STX19: variants seen among roughly 807,000 people sequenced by gnomAD.
STX19 encodes the protein syntaxin 19, also known as syntaxin-19.
A neutral mutation model predicts 24.3 loss-of-function variants in STX19; 26 were observed. The ratio of observed to expected loss-of-function variants is 1.07; its 90% CI spans 0.78 to 1.48. STX19 has a LOEUF of 1.48. STX19 is among the 40% of genes most tolerant of loss of function. The pLI is 0.00. For synonymous variants in STX19, 116 were observed against 106.9 expected (o/e 1.09, Z -0.52); for missense variants, 367 against 331.9 (o/e 1.11, Z -0.82).
At chr3:94,019,595 A>G (rs1575991298) in intron 1 of STX19, among the ~76,000 whole-genome samples, 1 of 135,916 alleles carries the variant, frequency 7.4e-6, no homozygotes, top group Non-Finnish European at 1.6e-5. Context: ...CCCCCACCAC[A>G]AAACCTCTGG....
chr3:94,023,550 A>G (rs1363779895), intron 1 of STX19, among the ~76,000 whole-genome samples: 11 of 151,754 alleles, frequency 7.2e-5, no homozygotes, highest in Admixed American at 7.2e-4. Flanking sequence ...TATTATTTTC[A>G]TGGCCTTTCA....
In STX19 at chr3:94,014,872, A is replaced by G. The variant is rs1220956026; in HGVS notation, c.398T>C (p.Leu133Pro). 5.0e-6 allele frequency: 8 copies of G among 1,614,050 alleles called. No individual in the cohort carries two copies. The East Asian group carries it at 1.8e-4, about 36-fold the overall frequency. ...GAACATTGCAGCATGCTGAGATTTAAGTATCCTTGTGACCACTGAAGATGG... is the reference window on the plus strand; with the variant it reads ...GAACATTGCAGCATGCTGAGATTTAGGTATCCTTGTGACCACTGAAGATGG... ...NGPSSVVTRI[L>P]KSQHAAMFRH... The change falls in exon 2 of 2, where the codon CTT becomes CCT. Residue 133 changes from leucine (L) to proline (P), a missense_variant. Transcript: ENST00000315099.
At chr3:94,023,387 G>T (rs2076489753) in intron 1 of STX19, among the ~76,000 whole-genome samples, 1 of 151,428 alleles carries the variant, frequency 6.6e-6, no homozygotes, top group South Asian at 2.1e-4. Flanking sequence ...CTGGTGTTCT[G>T]AAATTTCACA....
Position 94,028,567 on chromosome 3 carries a change from G to A in STX19, c.-214C>T, listed in dbSNP as rs558099821. On this transcript the variant is annotated 5_prime_UTR_variant, in exon 1 of 2. In the 5' UTR this introduces an upstream ATG that the reference lacks. Coordinates refer to ENST00000315099, the MANE Select transcript of STX19 (RefSeq NM_001001850.3). ...AGTCAAATAAGAGATAAAGTTGTACGTTTGCTGTTAATAGCAAGTGAAAAT... is the reference window on the plus strand; with the variant it reads ...AGTCAAATAAGAGATAAAGTTGTACATTTGCTGTTAATAGCAAGTGAAAAT... 2.0e-5 allele frequency: 3 copies of A among 152,278 alleles called. No individual in the cohort carries two copies. Among genetic ancestry groups the A allele is most frequent in the East Asian group, 1.9e-4 (1 of 5,190 alleles). 9.4% of individuals were successfully genotyped at this position (152,278 alleles called of 1,614,324 possible).
chr3:94,024,987 G>A (rs2076526130), intron 1 of STX19, among the ~76,000 whole-genome samples: 1 of 152,120 alleles, frequency 6.6e-6, no homozygotes, highest in Admixed American at 6.5e-5. Context: ...AATTGCTATT[G>A]GAGCACAGTG....
intron 1 of STX19, among the ~76,000 whole-genome samples, chr3:94,022,216 C>T (rs912570556): frequency 1.3e-5 from 2 of 152,102 alleles, no homozygotes; most frequent in African/African-American, 2.4e-5. Context: ...CTCCTCCTCC[C>T]TGGTTCAAGT....
chr3:94,019,125 A>C (rs893413786), intron 1 of STX19, among the ~76,000 whole-genome samples: 1 of 151,836 alleles, frequency 6.6e-6, no homozygotes, highest in African/African-American at 2.4e-5. Flanking sequence ...AAATCTTGTC[A>C]ACATCTCTTT....
rs144733317 is a variant in STX19 at position 94,022,284 on chromosome 3, C to T, written c.-14+6083G>A. Among the ~76,000 whole-genome samples the T allele has an allele frequency of 2.0e-5, 3 of 152,152 alleles. No homozygotes were observed. In the East Asian group the frequency reaches 5.8e-4, roughly 29 times the overall value. On this transcript the variant is annotated intron_variant, in intron 1 of 1. Coordinates refer to ENST00000315099, the MANE Select transcript of STX19 (RefSeq NM_001001850.3). ...GGAATTACAGGCGCCTGCCACCACG[C>T]ACAGCTAATTTTTGTATTTTTAATA...
At position 94,014,654 on chromosome 3, in the gene STX19, T is replaced by G. The variant is rs779737597; in HGVS notation, c.616A>C (p.Lys206Gln). The G allele has an allele frequency of 1.9e-6, 3 of 1,613,602 alleles. No individual in the cohort carries two copies. The Admixed American group carries it at 5.0e-5, about 27-fold the overall frequency. Residue 206 changes from lysine (K) to glutamine (Q), a missense_variant, in exon 2 of 2, where the codon AAA becomes CAA. Coordinates refer to ENST00000315099, the MANE Select transcript of STX19 (RefSeq NM_001001850.3). ...ESLLTEINITKAQLSEIEQRH... is the reference protein window; with the variant it reads ...ESLLTEINITQAQLSEIEQRH... ...TGTTCAATCTCTGAAAGTTGTGCTT[T>G]AGTGATATTGATTTCTGTAAGTAAG...
intron 1 of STX19, among the ~76,000 whole-genome samples, chr3:94,024,104 T>G (rs1410908766): frequency 3.9e-5 from 6 of 152,208 alleles, no homozygotes; most frequent in Non-Finnish European, 1.5e-5. Flanking sequence ...TTGTACTAGC[T>G]TGTCACTATG....
intron 1 of STX19, among the ~76,000 whole-genome samples, chr3:94,021,442 G>A (rs761274200): frequency 2.0e-5 from 3 of 151,940 alleles, no homozygotes; most frequent in Non-Finnish European, 4.4e-5. Flanking sequence ...TGATCTGCCC[G>A]CCTCAGCCTC....
rs988360252 is a variant in STX19 at position 94,014,698 on chromosome 3, CA to C, written c.571del (p.Trp191GlyfsTer36). On this transcript the variant is annotated frameshift_variant, in exon 2 of 2. Coordinates refer to ENST00000315099, the MANE Select transcript of STX19 (RefSeq NM_001001850.3). LOFTEE classifies it high-confidence loss of function. ...DVNDMLHQGKWEVFNESLLTE... is the reference protein window; with the variant it reads ...DVNDMLHQGKXEVFNESLLTE... Reference sequence around the variant, plus strand: ...AAGTAAGCTTTCATTAAAAACTTCCCATTTTCCTTGATGAAGCATATCATTT... The same window carrying C: ...AAGTAAGCTTTCATTAAAAACTTCCCTTTTCCTTGATGAAGCATATCATTT... 6.2e-7 allele frequency: 1 copy of C among 1,612,870 alleles called. No individual in the cohort carries two copies. The highest frequency in any genetic ancestry group is 8.5e-7 in the Non-Finnish European group (1 of 1,179,802).
intron 1 of STX19, among the ~76,000 whole-genome samples, chr3:94,019,816 C>T (rs561639929): frequency 7.9e-5 from 12 of 152,300 alleles, no homozygotes; most frequent in African/African-American, 2.9e-4. Flanking sequence ...TGTTCTCACA[C>T]AAATCTGGCA....
intron 1 of STX19, among the ~76,000 whole-genome samples, chr3:94,017,286 C>G (rs1029011879): frequency 6.6e-6 from 1 of 152,138 alleles, no homozygotes; most frequent in African/African-American, 2.4e-5. Flanking sequence ...ACTTACTTGG[C>G]ATAACTCCAA....
intron 1 of STX19, among the ~76,000 whole-genome samples, chr3:94,015,775 G>A (rs1182838374): frequency 3.3e-5 from 5 of 152,026 alleles, no homozygotes; most frequent in South Asian, 4.1e-4. Context: ...ATATGAGAAC[G>A]TTAAGCTATA....
chr3:94,014,516 T>G lies in STX19; in HGVS notation c.754A>C (p.Met252Leu). The change falls in exon 2 of 2, where the codon ATG becomes CTG. Residue 252 changes from methionine (M) to leucine (L), a missense_variant. Physicochemically the swap from Met to Leu is conservative, Grantham distance 15. Transcript: ENST00000315099. ...EQGESINNIEMTVNSTKEYVN... is the reference protein window; with the variant it reads ...EQGESINNIELTVNSTKEYVN... ...TACTCTTTTGTACTATTCACTGTCA[T>G]TTCAATATTGTTGATGCTCTCTCCT... is the stretch of plus-strand genomic sequence containing the variant. The G allele has an allele frequency of 6.2e-7, 1 of 1,612,754 alleles. No individual in the cohort carries two copies. The highest frequency in any genetic ancestry group is 8.5e-7 in the Non-Finnish European group (1 of 1,179,562).
intron 1 of STX19, among the ~76,000 whole-genome samples, chr3:94,026,078 G>A (rs2076551215): frequency 6.7e-6 from 1 of 148,574 alleles, no homozygotes; most frequent in African/African-American, 2.5e-5. Context: ...GGAGTGCAGT[G>A]GCACCATCTC....
At chr3:94,020,843 T>C (rs1413479600) in intron 1 of STX19, among the ~76,000 whole-genome samples, 1 of 152,160 alleles carries the variant, frequency 6.6e-6, no homozygotes, top group Non-Finnish European at 1.5e-5. Flanking sequence ...TTTTTGCCAC[T>C]GATTTGCTAT....
At chr3:94,022,556 A>G (rs2076470805) in intron 1 of STX19, among the ~76,000 whole-genome samples, 1 of 151,918 alleles carries the variant, frequency 6.6e-6, no homozygotes, top group African/African-American at 2.4e-5. Flanking sequence ...TGGTTAATCA[A>G]TATTTTGTGT....
Sources: gnomAD v4.1 joint callset for allele counts (sites outside exome capture counted in the v4.1 genomes callset) on GRCh38, gnomAD v4.1.1 for gene constraint, MANE v1.5 for transcripts, NCBI Gene and HGNC (gene_info 2026-07-23, HGNC 2026-07-21) for gene names.